SOS1: variants seen among roughly 807,000 people sequenced by gnomAD.
The protein encoded by SOS1 is son of sevenless homolog 1.
SOS1 carries 25 observed loss-of-function variants against 157.6 expected under a neutral mutation model. The ratio of observed to expected loss-of-function variants is 0.16; its 90% CI spans 0.12 to 0.22. The LOEUF (loss-of-function observed/expected upper bound fraction) is 0.22, where lower values mean the gene tolerates loss of function less well. SOS1 is among the 10% of genes least tolerant of loss of function. The pLI is 1.00. For missense variants in SOS1, 1,237 were observed against 1,599.1 expected (o/e 0.77, Z 3.86); for synonymous variants, 528 against 534.0 (o/e 0.99, Z 0.16).
At chr2:39,103,923 T>A (rs1242609604) in intron 1 of SOS1, among the ~76,000 whole-genome samples, 3 of 152,080 alleles carry the variant, frequency 2.0e-5, no homozygotes, top group Admixed American at 1.3e-4. Flanking sequence ...AGGTCTAATA[T>A]CAAGAATATA....
At chr2:38,996,792 C>T (rs1668909246) in intron 19 of SOS1, 130 bp downstream of exon 19, 3 of 654,240 alleles carry the variant, frequency 4.6e-6, no homozygotes, top group South Asian at 2.0e-5. Context: ...TATTCCTGGA[C>T]ATAATTATTA....
At chr2:39,093,268 C>T (rs1275274865) in intron 1 of SOS1, among the ~76,000 whole-genome samples, 1 of 152,090 alleles carries the variant, frequency 6.6e-6, no homozygotes, top group Admixed American at 6.6e-5. Flanking sequence ...TCCTGAAATG[C>T]ATGATCATCT....
intron 10 of SOS1, among the ~76,000 whole-genome samples, chr2:39,017,928 A>C (rs2124526347): frequency 6.6e-6 from 1 of 152,054 alleles, no homozygotes. Flanking sequence ...AAGAGCTAAG[A>C]TAATATAAAC....
At position 38,985,422 on chromosome 2, in the gene SOS1, G is replaced by GTTT. The variant is rs10655655; in HGVS notation, c.*399_*401dup. The GTTT allele has an allele frequency of 4.5e-4, 41 of 91,688 alleles. No homozygotes were observed. Among genetic ancestry groups the GTTT allele is most frequent in the Admixed American group, 1.5e-3 (10 of 6,868 alleles). The allele number at this position is 91,688 out of a possible 1,614,324, so 5.7% of individuals were successfully genotyped here. ...GGAAGATATTAAGATCCCTGTTTAAGTTTTTTTTTTTAAAAGTGCATAATT... is the reference window on the plus strand; with the variant it reads ...GGAAGATATTAAGATCCCTGTTTAAGTTTTTTTTTTTTTTAAAAGTGCATAATT... On this transcript the variant is annotated 3_prime_UTR_variant, in exon 23 of 23. Transcript: ENST00000402219.
At chr2:39,000,505 C>T (rs1460242657) in intron 17 of SOS1, among the ~76,000 whole-genome samples, 1 of 152,036 alleles carries the variant, frequency 6.6e-6, no homozygotes, top group Admixed American at 6.6e-5. Context: ...CATACCCTAC[C>T]TCTGGAGGCA....
chr2:39,110,026 TTGTGTGTGTGTGCGTGTGTG>T (rs1041152240), intron 1 of SOS1, among the ~76,000 whole-genome samples: 1 of 134,156 alleles, frequency 7.5e-6, no homozygotes, highest in African/African-American at 2.7e-5. Flanking sequence ...ACAGATACAG[TTGTGTGTGTGTGCGTGTGTG>T]TGTGTGTGTG....
intron 6 of SOS1, among the ~76,000 whole-genome samples, chr2:39,048,905 T>C (rs540669624): frequency 5.3e-5 from 8 of 152,284 alleles, no homozygotes; most frequent in African/African-American, 1.9e-4. Context: ...ATTAGATGTA[T>C]ATTAAACCTC....
chr2:39,103,448 T>C (rs943663986), intron 1 of SOS1, among the ~76,000 whole-genome samples: 11 of 152,234 alleles, frequency 7.2e-5, no homozygotes, highest in South Asian at 2.1e-4. Context: ...TGAAAAAGCA[T>C]AGACATATAG....
chr2:39,081,651 G>C (rs297121), intron 1 of SOS1, among the ~76,000 whole-genome samples: 141,974 of 152,112 alleles, frequency 0.93, 66,374 homozygotes, highest in African/African-American at 0.97. Flanking sequence ...ATGGCGAAAC[G>C]CCGTCTCTAC....
rs77301267 is a variant in SOS1, at chr2:39,036,397, C to A, written c.865-897G>T. Among the ~76,000 whole-genome samples, 561 of 152,216 alleles carry A rather than the reference C, an allele frequency of 3.7e-3. 5 individuals carry two copies. Among genetic ancestry groups the A allele is most frequent in the African/African-American group, 0.013 (531 of 41,536 alleles). On this transcript the variant is annotated intron_variant, in intron 6 of 22. Transcript: ENST00000402219. ...TCTTGGTCTTACTCTGTCACCCAGG[C>A]TAGAGTGCCGTAGTGCAATCTTGGC...
intron 8 of SOS1, among the ~76,000 whole-genome samples, chr2:39,034,507 G>A (rs1407007767): frequency 6.6e-6 from 1 of 152,158 alleles, no homozygotes; most frequent in Non-Finnish European, 1.5e-5. Context: ...TCTTTACAAG[G>A]CTAGTCCATT....
chr2:39,083,554 T>C (rs1335645812), intron 1 of SOS1, among the ~76,000 whole-genome samples: 1 of 151,328 alleles, frequency 6.6e-6, no homozygotes, highest in African/African-American at 2.4e-5. Context: ...AGTTGAGGAG[T>C]AGATGGGAGG....
At chr2:38,996,246 T>G (rs1668887647) in intron 19 of SOS1, among the ~76,000 whole-genome samples, 1 of 152,156 alleles carries the variant, frequency 6.6e-6, no homozygotes, top group Non-Finnish European at 1.5e-5. Flanking sequence ...CCCGCCACCA[T>G]GTCTGGCTAA....
chr2:39,055,417 C>G (rs10495883), intron 4 of SOS1, among the ~76,000 whole-genome samples: 5,546 of 152,146 alleles, frequency 0.036, 313 homozygotes, highest in African/African-American at 0.12. Flanking sequence ...TTCATCAACT[C>G]TGGAGCCTTG....
intron 1 of SOS1, among the ~76,000 whole-genome samples, chr2:39,069,794 C>T (rs920711044): frequency 4.6e-5 from 7 of 152,114 alleles, no homozygotes; most frequent in Admixed American, 2.6e-4. Context: ...GTGATCCACC[C>T]GCCTTGGCCT....
At chr2:39,028,953 G>C (rs866108137) in intron 8 of SOS1, among the ~76,000 whole-genome samples, 11 of 152,302 alleles carry the variant, frequency 7.2e-5, no homozygotes, top group African/African-American at 2.4e-4. Flanking sequence ...TGATTTACTA[G>C]CCCTCTTAGC....
At chr2:39,077,868 G>A (rs955591437) in intron 1 of SOS1, among the ~76,000 whole-genome samples, 2 of 152,138 alleles carry the variant, frequency 1.3e-5, no homozygotes, top group African/African-American at 4.8e-5. Flanking sequence ...TAAAAGCATA[G>A]CAGGATATCT....
intron 10 of SOS1, among the ~76,000 whole-genome samples, chr2:39,021,582 C>G (rs1338143572): frequency 1.4e-5 from 2 of 143,474 alleles, no homozygotes; most frequent in Admixed American, 1.4e-4. Flanking sequence ...AGAGAAAAAT[C>G]TAAAGATTAA....
At chr2:39,021,395 ACTT>A (rs1669790314) in intron 10 of SOS1, among the ~76,000 whole-genome samples, 1 of 151,668 alleles carries the variant, frequency 6.6e-6, no homozygotes, top group South Asian at 2.1e-4. Flanking sequence ...TTTAGAGAAA[ACTT>A]CTATCACTCA....
Sources: gnomAD v4.1 joint callset for allele counts (sites outside exome capture counted in the v4.1 genomes callset) on GRCh38, gnomAD v4.1.1 for gene constraint, MANE v1.5 for transcripts, NCBI Gene and HGNC (gene_info 2026-07-23, HGNC 2026-07-21) for gene names.